The following KCNIP4 variants were observed in gnomAD, a reference collection of about 807,000 sequenced individuals.
KCNIP4 encodes the protein potassium voltage-gated channel interacting protein 4.
A neutral mutation model predicts 34.0 loss-of-function variants in KCNIP4; 12 were observed. The observed-to-expected ratio is 0.35, with a 90% CI of 0.23 to 0.57. The LOEUF is 0.57. Ranked by LOEUF, KCNIP4 falls within the 20% of genes least tolerant of loss-of-function variation. The pLI is 0.83. For synonymous variants in KCNIP4, 124 were observed against 102.2 expected (o/e 1.21, Z -1.29); for missense variants, 238 against 311.7 (o/e 0.76, Z 1.78).
chr4:21,518,705 G>A (rs2279675), intron 1 of KCNIP4, among the ~76,000 whole-genome samples: 48,932 of 151,838 alleles, frequency 0.32, 8,245 homozygotes, highest in South Asian at 0.46. Flanking sequence ...TTACACAATT[G>A]AATCCCCTGT....
At chr4:21,550,925 A>G (rs1163134576) in intron 1 of KCNIP4, among the ~76,000 whole-genome samples, 1 of 152,102 alleles carries the variant, frequency 6.6e-6, no homozygotes, top group East Asian at 1.9e-4. Flanking sequence ...TTCCGTAGTC[A>G]GTTGTATTAT....
intron 1 of KCNIP4, among the ~76,000 whole-genome samples, chr4:21,603,568 A>T (rs1182788684): frequency 6.6e-6 from 1 of 152,202 alleles, no homozygotes; most frequent in Non-Finnish European, 1.5e-5. Context: ...AGCCCACAAT[A>T]TCTGCAGCTC....
At chr4:20,842,427 C>T (rs1256477746) in intron 3 of KCNIP4, among the ~76,000 whole-genome samples, 1 of 151,896 alleles carries the variant, frequency 6.6e-6, no homozygotes, top group Non-Finnish European at 1.5e-5. Context: ...CGCGAAAAGT[C>T]AGCAGAAGAT....
At chr4:21,926,148 C>A (rs1253909680) in intron 1 of KCNIP4, among the ~76,000 whole-genome samples, 2 of 152,182 alleles carry the variant, frequency 1.3e-5, no homozygotes, top group Admixed American at 1.3e-4. Flanking sequence ...AATACTTAAT[C>A]AGCAATTGCT....
rs115152147 is a variant in KCNIP4, at chr4:21,843,394, G to C, written c.61+105177C>G. 684 of 152,140 alleles carry C rather than the reference G, an allele frequency of 4.5e-3. 9 individuals carry two copies. Among genetic ancestry groups the C allele is most frequent in the African/African-American group, 0.016 (660 of 41,540 alleles). 9.4% of individuals were successfully genotyped at this position (152,140 alleles called of 1,614,324 possible). On this transcript the variant is annotated intron_variant, in intron 1 of 8. Coordinates refer to ENST00000382152, the MANE Select transcript of KCNIP4 (RefSeq NM_025221.6). The stretch of plus-strand genomic sequence containing the variant: ...TACAGTTTGATGGGGTTTAAGACAT[G>C]TTAGCCCAAAAATATGGCACCTTGA...
At chr4:20,865,904 A>C (rs1033646256) in intron 2 of KCNIP4, among the ~76,000 whole-genome samples, 1 of 152,036 alleles carries the variant, frequency 6.6e-6, no homozygotes. Flanking sequence ...GCTTGACTAC[A>C]GTAAGTGTTT....
Position 20,983,873 on chromosome 4 carries a change from A to C in KCNIP4, c.62-101164T>G, listed in dbSNP as rs1335382550. The C allele has an allele frequency of 2.0e-6, 3 of 1,536,198 alleles. No homozygotes were observed. In the Admixed American group the frequency reaches 5.9e-5, roughly 30 times the overall value. On this transcript the variant is annotated intron_variant, in intron 1 of 8. Transcript: ENST00000382152. ...AAGCTTCAGAGATGCACATATAATCACAACAATACCCACTGTTTGCAGTCC... is the reference window on the plus strand; with the variant it reads ...AAGCTTCAGAGATGCACATATAATCCCAACAATACCCACTGTTTGCAGTCC...
intron 1 of KCNIP4, among the ~76,000 whole-genome samples, chr4:21,864,370 T>C (rs1274469205): frequency 6.6e-6 from 1 of 152,246 alleles, no homozygotes; most frequent in Admixed American, 6.5e-5. Flanking sequence ...CTCATACTGA[T>C]ACAAACATGC....
intron 1 of KCNIP4, among the ~76,000 whole-genome samples, chr4:21,398,728 A>G (rs1723223452): frequency 6.6e-6 from 1 of 152,186 alleles, no homozygotes; most frequent in Admixed American, 6.5e-5. Context: ...TTTGATCCCA[A>G]ACACAAAAAG....
intron 1 of KCNIP4, among the ~76,000 whole-genome samples, chr4:21,290,215 C>A (rs1275640093): frequency 6.6e-6 from 1 of 152,042 alleles, no homozygotes; most frequent in Non-Finnish European, 1.5e-5. Context: ...ACCCTGAATT[C>A]TCTTATTTTT....
chr4:20,974,330 TC>T (rs1403218109), intron 1 of KCNIP4, among the ~76,000 whole-genome samples: 2 of 152,154 alleles, frequency 1.3e-5, no homozygotes, highest in African/African-American at 4.8e-5. Context: ...GCATCAGGAT[TC>T]ATTATTAAGT....
chr4:20,916,110 A>G (rs906337804), intron 1 of KCNIP4, among the ~76,000 whole-genome samples: 1 of 152,210 alleles, frequency 6.6e-6, no homozygotes, highest in Non-Finnish European at 1.5e-5. Context: ...TCAATTTTCC[A>G]TGTTCCTCTA....
chr4:21,593,783 C>A (rs1742408670), intron 1 of KCNIP4, among the ~76,000 whole-genome samples: 1 of 152,106 alleles, frequency 6.6e-6, no homozygotes, highest in Non-Finnish European at 1.5e-5. Context: ...AGTTCTCAGT[C>A]ACAGATATTT....
intron 1 of KCNIP4, among the ~76,000 whole-genome samples, chr4:21,646,374 G>A (rs1053043606): frequency 6.6e-6 from 1 of 152,014 alleles, no homozygotes. Flanking sequence ...CCTCCTCAGT[G>A]GCTTCATCCA....
chr4:21,183,171 G>A (rs1277839817), intron 1 of KCNIP4, among the ~76,000 whole-genome samples: 1 of 152,062 alleles, frequency 6.6e-6, no homozygotes, highest in Non-Finnish European at 1.5e-5. Context: ...ACATGTTGTT[G>A]TAAATGACAG....
At chr4:20,959,746 C>T (rs1213762088) in intron 1 of KCNIP4, among the ~76,000 whole-genome samples, 1 of 152,132 alleles carries the variant, frequency 6.6e-6, no homozygotes, top group African/African-American at 2.4e-5. Flanking sequence ...GAAACCTTAT[C>T]TTTAACGGAG....
At chr4:21,356,577 G>C (rs548119797) in intron 1 of KCNIP4, among the ~76,000 whole-genome samples, 1 of 152,250 alleles carries the variant, frequency 6.6e-6, no homozygotes, top group South Asian at 2.1e-4. Context: ...TTGCTTCAAA[G>C]AGAATAAAAT....
At chr4:20,930,662 AC>A (rs965627917) in intron 1 of KCNIP4, among the ~76,000 whole-genome samples, 3 of 152,102 alleles carry the variant, frequency 2.0e-5, no homozygotes, top group African/African-American at 7.2e-5. Flanking sequence ...CAAATGAGTA[AC>A]AGAAACAACA....
chr4:21,002,386 T>C lies in KCNIP4; in HGVS notation c.62-119677A>G, dbSNP rs140996404. Among the ~76,000 whole-genome samples, 54 of 152,266 alleles carry C rather than the reference T, an allele frequency of 3.5e-4. No individual in the cohort carries two copies. The Middle Eastern group carries it at 0.01, about 29-fold the overall frequency. On this transcript the variant is annotated intron_variant, in intron 1 of 8. Transcript: ENST00000382152. ...TTTTGCTGAAACTTAACACCTTTTG[T>C]CTAAGGGAAAAAGCAGAAAAGGCAG...
Sources: allele counts gnomAD v4.1 joint callset (sites outside exome capture counted in the v4.1 genomes callset), GRCh38; gene constraint gnomAD v4.1.1; transcripts MANE v1.5; gene names NCBI Gene and HGNC (gene_info 2026-07-23, HGNC 2026-07-21).